The following STXBP5 variants were observed in gnomAD, a reference collection of about 807,000 sequenced individuals.
The protein encoded by STXBP5 is syntaxin-binding protein 5.
STXBP5 carries 50 observed loss-of-function variants against 152.4 expected under a neutral mutation model. That is an observed-to-expected ratio of 0.33 (90% CI 0.26 to 0.42). The LOEUF (loss-of-function observed/expected upper bound fraction) is 0.42. STXBP5 is among the 10% of genes least tolerant of loss of function. The pLI, the probability that STXBP5 is intolerant of heterozygous loss-of-function variation, is 1.00. For missense variants in STXBP5, 1,167 were observed against 1,388.6 expected (o/e 0.84, Z 2.54); for synonymous variants, 492 against 494.7 (o/e 0.99, Z 0.07).
intron 2 of STXBP5, among the ~76,000 whole-genome samples, chr6:147,218,287 TATC>T (rs1317994515): frequency 2.6e-5 from 4 of 152,202 alleles, no homozygotes; most frequent in Non-Finnish European, 4.4e-5. Context: ...ATCATTATAA[TATC>T]ATACAGAATA....
chr6:147,338,251 G>A (rs879725672), intron 19 of STXBP5, among the ~76,000 whole-genome samples: 1 of 152,022 alleles, frequency 6.6e-6, no homozygotes, highest in African/African-American at 2.4e-5. Context: ...TCATTCCAGT[G>A]AGGAAGGTCA....
chr6:147,322,637 G>A (rs1782993914), intron 16 of STXBP5, among the ~76,000 whole-genome samples: 2 of 152,222 alleles, frequency 1.3e-5, no homozygotes, highest in South Asian at 4.1e-4. Flanking sequence ...CAAGGCAGAA[G>A]CCTTAAGAAT....
At chr6:147,270,487 G>A (rs1251416139) in intron 7 of STXBP5, among the ~76,000 whole-genome samples, 2 of 150,686 alleles carry the variant, frequency 1.3e-5, no homozygotes, top group Non-Finnish European at 2.9e-5. Context: ...TCACAGTACT[G>A]AAAGAAAAAT....
intron 7 of STXBP5, among the ~76,000 whole-genome samples, chr6:147,271,449 A>G (rs1486137774): frequency 2.0e-5 from 3 of 152,142 alleles, no homozygotes; most frequent in African/African-American, 7.2e-5. Context: ...AAAAGGTTAA[A>G]CTCATATAAA....
At chr6:147,227,884 G>T (rs1295080767) in intron 2 of STXBP5, among the ~76,000 whole-genome samples, 1 of 151,930 alleles carries the variant, frequency 6.6e-6, no homozygotes, top group Non-Finnish European at 1.5e-5. Flanking sequence ...TTGTACAGCT[G>T]CTTTTCTTCC....
At chr6:147,376,311 T>C (rs1265025810) in intron 26 of STXBP5, among the ~76,000 whole-genome samples, 4 of 152,132 alleles carry the variant, frequency 2.6e-5, no homozygotes, top group African/African-American at 9.7e-5. Context: ...GGATAACCTG[T>C]AAAACTTAGA....
intron 2 of STXBP5, among the ~76,000 whole-genome samples, chr6:147,232,082 A>G (rs1021385375): frequency 6.6e-6 from 1 of 151,794 alleles, no homozygotes; most frequent in Non-Finnish European, 1.5e-5. Context: ...CAGTTCTGCA[A>G]GCTAGTCTAG....
intron 22 of STXBP5, 39 bp from the exon 23 acceptor site, chr6:147,359,045 A>G (rs1784939799): frequency 6.3e-7 from 1 of 1,592,704 alleles, no homozygotes; most frequent in Middle Eastern, 1.7e-4. Context: ...AACTTCTTTT[A>G]TAACTTGAGC....
chr6:147,213,988 A>G (rs1022517424), intron 2 of STXBP5, among the ~76,000 whole-genome samples: 2 of 152,194 alleles, frequency 1.3e-5, no homozygotes, highest in Admixed American at 6.5e-5. Context: ...CCAAGAGTTC[A>G]TAAAACTATA....
At position 147,382,841 on chromosome 6, in the gene STXBP5, G is replaced by T; in HGVS notation, c.3257G>T (p.Gly1086Val). ...GCACAGCATATTCCTGGCCCTGGTGGCATTGAAGGCGTAAAAGGGGCAGCA... is the reference window on the plus strand; with the variant it reads ...GCACAGCATATTCCTGGCCCTGGTGTCATTGAAGGCGTAAAAGGGGCAGCA... The part of the protein sequence containing the change: ...SLAQHIPGPG[G>V]IEGVKGAASG... Residue 1086 changes from glycine (G) to valine (V), a missense_variant, in exon 27 of 28, where the codon GGC (glycine) becomes GTC (valine). Around this residue, in one of 3 missense-constraint regions of STXBP5, gnomAD observed 833 missense variants for 986.3 expected, o/e 0.84. Coordinates refer to ENST00000321680, the MANE Select transcript of STXBP5 (RefSeq NM_001127715.4). The T allele has an allele frequency of 6.2e-7, 1 of 1,613,570 alleles. No individual in the cohort carries two copies. Among genetic ancestry groups the T allele is most frequent in the Non-Finnish European group, 8.5e-7 (1 of 1,179,676 alleles).
At chr6:147,380,448 A>G (rs187024480) in intron 26 of STXBP5, among the ~76,000 whole-genome samples, 3 of 149,900 alleles carry the variant, frequency 2.0e-5, no homozygotes, top group East Asian at 2.0e-4. Context: ...CTAGATATTC[A>G]TCTGCAAAAA....
At chr6:147,244,927 C>T (rs1452095832) in intron 4 of STXBP5, among the ~76,000 whole-genome samples, 2 of 149,638 alleles carry the variant, frequency 1.3e-5, no homozygotes, top group East Asian at 2.0e-4. Context: ...AGCACTTTGG[C>T]ATTGATATGC....
At chr6:147,276,248 A>G (rs548775086) in intron 7 of STXBP5, among the ~76,000 whole-genome samples, 5 of 152,222 alleles carry the variant, frequency 3.3e-5, no homozygotes, top group African/African-American at 1.2e-4. Context: ...GGATTTGCAT[A>G]TAGAAAATTG....
chr6:147,371,407 T>C (rs941496784), intron 25 of STXBP5, among the ~76,000 whole-genome samples: 2 of 152,288 alleles, frequency 1.3e-5, no homozygotes, highest in South Asian at 4.1e-4. Flanking sequence ...ATGACTTGTG[T>C]ATTTTCTAAT....
At chr6:147,256,490 T>C (rs1020803143) in intron 4 of STXBP5, among the ~76,000 whole-genome samples, 2 of 152,130 alleles carry the variant, frequency 1.3e-5, no homozygotes, top group Admixed American at 6.5e-5. Flanking sequence ...ATCTCTACCC[T>C]TTTTTCCCAG....
chr6:147,315,804 T>C (rs1782612539), intron 15 of STXBP5, 69 bp downstream of exon 15: 1 of 1,453,820 alleles, frequency 6.9e-7, no homozygotes. Flanking sequence ...GTGGATGATT[T>C]GGAAGACTTT....
At chr6:147,315,075 A>G (rs1268815535) in intron 14 of STXBP5, among the ~76,000 whole-genome samples, 1 of 152,152 alleles carries the variant, frequency 6.6e-6, no homozygotes, top group Non-Finnish European at 1.5e-5. Context: ...CACACATGGC[A>G]AGCATTCAAT....
At chr6:147,238,026 C>A (rs964519760) in intron 3 of STXBP5, among the ~76,000 whole-genome samples, 1 of 152,178 alleles carries the variant, frequency 6.6e-6, no homozygotes, top group Non-Finnish European at 1.5e-5. Flanking sequence ...ACATTGCATT[C>A]ACAATTTAAA....
chr6:147,354,730 GTAATT>G (rs376476126), intron 22 of STXBP5, among the ~76,000 whole-genome samples: 9 of 152,214 alleles, frequency 5.9e-5, no homozygotes, highest in African/African-American at 2.2e-4. Context: ...AATCATGTAA[GTAATT>G]TAATTAAAGT....
Sources: gnomAD v4.1 joint callset for allele counts (sites outside exome capture counted in the v4.1 genomes callset) on GRCh38, gnomAD v4.1.1 for gene constraint, gnomAD v4.1.1 regional missense constraint, MANE v1.5 for transcripts, NCBI Gene and HGNC (gene_info 2026-07-23, HGNC 2026-07-21) for gene names.